GALNTL6: variants seen among roughly 807,000 people sequenced by gnomAD.
The protein encoded by GALNTL6 is polypeptide N-acetylgalactosaminyltransferase-like 6.
In GALNTL6, 46 loss-of-function variants were observed where a neutral mutation model predicts 73.7. That is an observed-to-expected ratio of 0.62 (90% CI 0.49 to 0.80). The LOEUF is 0.80. Among genes scored for constraint, GALNTL6 ranks in the 30% least tolerant of loss-of-function variants. The pLI is 0.00. For missense variants in GALNTL6, 604 were observed against 755.0 expected (o/e 0.80, Z 2.34); for synonymous variants, 259 against 263.7 (o/e 0.98, Z 0.17).
chr4:172,916,521 C>T (rs1427108201), intron 8 of GALNTL6, among the ~76,000 whole-genome samples: 22 of 152,158 alleles, frequency 1.4e-4, no homozygotes, highest in African/African-American at 5.3e-4. Context: ...CCAAAATCTC[C>T]TTAAGCTGAT....
intron 2 of GALNTL6, among the ~76,000 whole-genome samples, chr4:172,094,919 T>C (rs1178964814): frequency 6.6e-6 from 1 of 152,028 alleles, no homozygotes; most frequent in Non-Finnish European, 1.5e-5. Context: ...TGGATTAACT[T>C]CACTGTTTCT....
intron 7 of GALNTL6, among the ~76,000 whole-genome samples, chr4:172,853,225 G>T (rs1230239725): frequency 1.3e-5 from 2 of 152,174 alleles, no homozygotes; most frequent in Non-Finnish European, 2.9e-5. Flanking sequence ...AAAGAATTCA[G>T]TTCTGTGTGA....
intron 5 of GALNTL6, among the ~76,000 whole-genome samples, chr4:172,397,734 C>T (rs1242266849): frequency 2.0e-5 from 3 of 151,950 alleles, no homozygotes; most frequent in South Asian, 2.1e-4. Context: ...TGTGTTACCA[C>T]GCCCAGCTAA....
chr4:172,977,189 C>T (rs1308113083), intron 10 of GALNTL6, among the ~76,000 whole-genome samples: 3 of 152,134 alleles, frequency 2.0e-5, no homozygotes, highest in Non-Finnish European at 4.4e-5. Flanking sequence ...ATCAGGGAGG[C>T]CAGTGGGTTT....
Position 172,068,538 on chromosome 4 carries a change from G to T in GALNTL6, c.139-161118G>T, listed in dbSNP as rs942562094. ...ATTAGAATGTTCTTTTGTGCCCTAC[G>T]AGTCCTGTGAATGTTTATCTCCTCC... On this transcript the variant is annotated intron_variant, in intron 2 of 12. Coordinates refer to ENST00000506823, the MANE Select transcript of GALNTL6 (RefSeq NM_001034845.3). Among the ~76,000 whole-genome samples the T allele has an allele frequency of 2.7e-5, 3 of 109,994 alleles. 1 individual carries two copies. The highest frequency in any genetic ancestry group is 9.4e-5 in the Admixed American group (1 of 10,596). 72.2% of individuals were successfully genotyped at this position (109,994 alleles called of 152,430 possible). A position where few individuals can be genotyped will look rare whatever the true frequency, so the allele number is the denominator to read the frequency against.
chr4:172,831,497 A>G (rs1742639486), intron 7 of GALNTL6, among the ~76,000 whole-genome samples: 1 of 152,138 alleles, frequency 6.6e-6, no homozygotes, highest in Admixed American at 6.5e-5. Flanking sequence ...TTTGGACTAC[A>G]CCTTGAAAGA....
intron 2 of GALNTL6, among the ~76,000 whole-genome samples, chr4:172,142,008 C>A (rs777318264): frequency 6.6e-6 from 1 of 151,894 alleles, no homozygotes; most frequent in Non-Finnish European, 1.5e-5. Flanking sequence ...AGTGTACACA[C>A]ACAAAAATTT....
intron 2 of GALNTL6, among the ~76,000 whole-genome samples, chr4:172,131,521 T>TAC (rs772971612): frequency 1.2e-4 from 18 of 149,094 alleles, no homozygotes; most frequent in South Asian, 2.1e-4. Context: ...TGCATATATA[T>TAC]ACACACACAC....
intron 2 of GALNTL6, among the ~76,000 whole-genome samples, chr4:171,992,348 G>A (rs1206926996): frequency 6.6e-6 from 1 of 151,710 alleles, no homozygotes; most frequent in Non-Finnish European, 1.5e-5. Context: ...CAATTACAGA[G>A]GCCATTCAGT....
chr4:172,891,724 A>C (rs1455604465), intron 8 of GALNTL6, among the ~76,000 whole-genome samples: 1 of 152,168 alleles, frequency 6.6e-6, no homozygotes, highest in Admixed American at 6.5e-5. Context: ...ATATTCTCAA[A>C]TATGTCTTCC....
chr4:173,016,785 GT>G (rs763001992), intron 11 of GALNTL6, among the ~76,000 whole-genome samples: 2 of 152,158 alleles, frequency 1.3e-5, no homozygotes, highest in East Asian at 1.9e-4. Context: ...GCATGATTGT[GT>G]TTTGAAATGT....
rs549616464 is a variant in GALNTL6 at position 172,316,241 on chromosome 4, C to T, written c.386+4489C>T. On this transcript the variant is annotated intron_variant, in intron 4 of 12. Transcript: ENST00000506823. ...AATAGGAGAGTTGAGGTAGGCTTCA[C>T]AGCAGTTTTGGGTAAATGCATCTTT... Among the ~76,000 whole-genome samples, 84 of 152,254 alleles carry T rather than the reference C, an allele frequency of 5.5e-4. 2 individuals carry two copies. The highest frequency in any genetic ancestry group is 3.4e-3 in the Middle Eastern group (1 of 294).
intron 2 of GALNTL6, among the ~76,000 whole-genome samples, chr4:172,160,711 A>C (rs1028323097): frequency 4.6e-5 from 7 of 151,990 alleles, no homozygotes. Flanking sequence ...CTTCATATAT[A>C]TGTGTATATA....
At chr4:171,889,567 G>A (rs1736703071) in intron 2 of GALNTL6, among the ~76,000 whole-genome samples, 1 of 152,008 alleles carries the variant, frequency 6.6e-6, no homozygotes, top group Non-Finnish European at 1.5e-5. Context: ...AGATTACTCA[G>A]TTACTTTTTC....
At chr4:172,310,536 G>T (rs1213027397) in intron 3 of GALNTL6, among the ~76,000 whole-genome samples, 1 of 152,056 alleles carries the variant, frequency 6.6e-6, no homozygotes, top group African/African-American at 2.4e-5. Flanking sequence ...CTCCCAAAGT[G>T]CTGGGATTAT....
At chr4:172,709,911 C>T (rs538610377) in intron 5 of GALNTL6, among the ~76,000 whole-genome samples, 2 of 150,950 alleles carry the variant, frequency 1.3e-5, no homozygotes, top group African/African-American at 2.4e-5. Flanking sequence ...ATGATTGTAC[C>T]GCATTGACAA....
At chr4:172,614,730 T>A (rs1738656690) in intron 5 of GALNTL6, among the ~76,000 whole-genome samples, 1 of 152,144 alleles carries the variant, frequency 6.6e-6, no homozygotes, top group Admixed American at 6.6e-5. Flanking sequence ...GCTGACCAGA[T>A]TGGCTGTTAT....
At chr4:172,407,786 G>T (rs1744291127) in intron 5 of GALNTL6, among the ~76,000 whole-genome samples, 1 of 151,952 alleles carries the variant, frequency 6.6e-6, no homozygotes, top group African/African-American at 2.4e-5. Context: ...TGCAGAATTA[G>T]CCTCAATAAA....
intron 2 of GALNTL6, among the ~76,000 whole-genome samples, chr4:172,038,450 T>A (rs1210670582): frequency 1.3e-5 from 2 of 152,214 alleles, no homozygotes; most frequent in African/African-American, 4.8e-5. Context: ...TGCTCAGTTC[T>A]GATATATGTA....
Sources: allele counts gnomAD v4.1 joint callset (sites outside exome capture counted in the v4.1 genomes callset), GRCh38; gene constraint gnomAD v4.1.1; transcripts MANE v1.5; gene names NCBI Gene and HGNC (gene_info 2026-07-23, HGNC 2026-07-21).